The following SDK1 variants were observed in gnomAD, a reference collection of about 807,000 sequenced individuals.
SDK1 encodes sidekick cell adhesion molecule 1.
A neutral mutation model predicts 245.5 loss-of-function variants in SDK1; 157 were observed. That is an observed-to-expected ratio of 0.64 (90% CI 0.56 to 0.73). The LOEUF is 0.73. Ranked by LOEUF, SDK1 falls within the 30% of genes least tolerant of loss-of-function variation. The pLI is 0.00. For missense variants in SDK1, 3,583 were observed against 3,002.3 expected (o/e 1.19, Z -4.52); for synonymous variants, 1,647 against 1,278.5 (o/e 1.29, Z -6.15).
chr7:3,507,895 T>C (rs1211491371), intron 1 of SDK1, among the ~76,000 whole-genome samples: 2 of 152,214 alleles, frequency 1.3e-5, no homozygotes, highest in African/African-American at 4.8e-5. Flanking sequence ...TATTCACAAG[T>C]GTTATTGATG....
chr7:3,319,552 C>T (rs955871239), intron 1 of SDK1, among the ~76,000 whole-genome samples: 3 of 152,110 alleles, frequency 2.0e-5, no homozygotes, highest in Admixed American at 1.3e-4. Flanking sequence ...GGCAGGCTTT[C>T]ATTACTTACA....
chr7:4,199,487 G>T lies in SDK1; in HGVS notation c.5099-6392G>T, dbSNP rs147190323. ...AACGCCAGAATTGTCTAGCAGTATT[G>T]AAGTTTCAGAGCTAACCTTTAAAAT... On this transcript the variant is annotated intron_variant, in intron 35 of 44. Coordinates refer to ENST00000404826, the MANE Select transcript of SDK1 (RefSeq NM_152744.4). 4.9e-3 allele frequency among the ~76,000 whole-genome samples: 746 copies of T among 152,316 alleles called. 10 individuals carry two copies. Among genetic ancestry groups the T allele is most frequent in the African/African-American group, 0.017 (718 of 41,578 alleles).
Position 4,123,901 on chromosome 7 carries a change from T to C in SDK1, c.3824-3480T>C, listed in dbSNP as rs143112002. 8.8e-3 allele frequency among the ~76,000 whole-genome samples: 1,335 copies of C among 152,320 alleles called. 22 individuals are homozygous for C. The highest frequency in any genetic ancestry group is 0.029 in the African/African-American group (1,223 of 41,572). On this transcript the variant is annotated intron_variant, in intron 25 of 44. Coordinates refer to ENST00000404826, the MANE Select transcript of SDK1 (RefSeq NM_152744.4). ...GGAGAGATGCTGCCTCCCAGGGCTCTCAGGATCAGGGAGCGTGCCCCTTCC... is the reference window on the plus strand; with the variant it reads ...GGAGAGATGCTGCCTCCCAGGGCTCCCAGGATCAGGGAGCGTGCCCCTTCC...
chr7:3,615,282 G>T (rs992141710), intron 1 of SDK1, among the ~76,000 whole-genome samples: 7 of 151,616 alleles, frequency 4.6e-5, no homozygotes, highest in African/African-American at 1.7e-4. Context: ...CTCCATTGCA[G>T]TTCAGCTTTA....
At chr7:3,677,564 C>T (rs757829530) in intron 4 of SDK1, among the ~76,000 whole-genome samples, 51 of 152,108 alleles carry the variant, frequency 3.4e-4, no homozygotes, top group African/African-American at 6.5e-4. Flanking sequence ...AAACCACCCC[C>T]GTGATTCAAT....
chr7:3,592,076 G>A (rs1020039479), intron 1 of SDK1, among the ~76,000 whole-genome samples: 1 of 152,168 alleles, frequency 6.6e-6, no homozygotes, highest in Non-Finnish European at 1.5e-5. Flanking sequence ...ATCACTATCA[G>A]CTCTATTTTT....
chr7:3,523,510 G>C (rs573038833), intron 1 of SDK1, among the ~76,000 whole-genome samples: 2 of 152,086 alleles, frequency 1.3e-5, no homozygotes, highest in Admixed American at 6.6e-5. Flanking sequence ...CCTGGTGAAC[G>C]GCTGCTAATC....
At chr7:4,034,366 C>T (rs10237838) in intron 17 of SDK1, among the ~76,000 whole-genome samples, 49,355 of 151,976 alleles carry the variant, frequency 0.32, 12,696 homozygotes, top group African/African-American at 0.72. Flanking sequence ...TCAATGCCGA[C>T]GTCCCGGTTT....
At chr7:3,895,550 C>T (rs143044382) in intron 5 of SDK1, among the ~76,000 whole-genome samples, 89 of 152,302 alleles carry the variant, frequency 5.8e-4, no homozygotes, top group African/African-American at 1.4e-3. Context: ...CTCGTGACCA[C>T]GAAGCAGTGA....
chr7:4,099,249 C>T (rs182506286), intron 22 of SDK1, among the ~76,000 whole-genome samples: 204 of 149,880 alleles, frequency 1.4e-3, no homozygotes, highest in South Asian at 4.5e-3. Context: ...TATTCGGGAA[C>T]GGTGATGCCA....
At chr7:4,055,265 T>C (rs537555242) in intron 19 of SDK1, among the ~76,000 whole-genome samples, 2 of 152,302 alleles carry the variant, frequency 1.3e-5, no homozygotes, top group Middle Eastern at 3.4e-3. Flanking sequence ...TAAATGCAAT[T>C]TATAAATGGT....
chr7:4,097,832 G>A (rs1204947956), intron 22 of SDK1, among the ~76,000 whole-genome samples: 1 of 152,136 alleles, frequency 6.6e-6, no homozygotes. Context: ...CATAATAGGA[G>A]GAACAAGAGT....
chr7:4,162,007 G>A (rs549311476), intron 32 of SDK1, 151 bp downstream of exon 32: 18 of 617,568 alleles, frequency 2.9e-5, no homozygotes, highest in East Asian at 1.4e-4. Flanking sequence ...ACTCAAAAAC[G>A]CGAGGGGGAA....
At chr7:3,786,139 G>T (rs1201686432) in intron 4 of SDK1, among the ~76,000 whole-genome samples, 2 of 152,166 alleles carry the variant, frequency 1.3e-5, no homozygotes, top group Non-Finnish European at 2.9e-5. Context: ...TTTGGGTTCT[G>T]TCTGTTAATT....
chr7:3,876,250 T>C (rs1163603064), intron 5 of SDK1, among the ~76,000 whole-genome samples: 1 of 152,204 alleles, frequency 6.6e-6, no homozygotes, highest in Non-Finnish European at 1.5e-5. Flanking sequence ...GTTCAAAGTA[T>C]TTCTCCTAAT....
intron 1 of SDK1, among the ~76,000 whole-genome samples, chr7:3,576,504 T>C (rs1397192778): frequency 6.6e-6 from 1 of 152,108 alleles, no homozygotes; most frequent in Non-Finnish European, 1.5e-5. Context: ...CTCCTTGCTA[T>C]GTTTGCCTTT....
chr7:3,866,243 A>T (rs902953325), intron 5 of SDK1, among the ~76,000 whole-genome samples: 1 of 152,186 alleles, frequency 6.6e-6, no homozygotes, highest in African/African-American at 2.4e-5. Flanking sequence ...ACTTCAATAA[A>T]TACTGATTGT....
intron 4 of SDK1, among the ~76,000 whole-genome samples, chr7:3,770,707 T>C (rs1167747365): frequency 6.6e-6 from 1 of 152,076 alleles, no homozygotes; most frequent in Non-Finnish European, 1.5e-5. Context: ...AACATCCTTC[T>C]GTCTCCTGAT....
intron 1 of SDK1, among the ~76,000 whole-genome samples, chr7:3,331,719 A>T (rs1315980339): frequency 6.6e-6 from 1 of 152,018 alleles, no homozygotes; most frequent in African/African-American, 2.4e-5. Flanking sequence ...TTTGGATACC[A>T]GGTTCATAAG....
Sources: gnomAD v4.1 joint callset for allele counts (sites outside exome capture counted in the v4.1 genomes callset) on GRCh38, gnomAD v4.1.1 for gene constraint, MANE v1.5 for transcripts, NCBI Gene and HGNC (gene_info 2026-07-23, HGNC 2026-07-21) for gene names.